The following NPTN variants were observed in gnomAD, a reference collection of about 807,000 sequenced individuals.
The protein encoded by NPTN is SDR-1.
In NPTN, 5 loss-of-function variants were observed where a neutral mutation model predicts 42.7. The ratio of observed to expected loss-of-function variants is 0.12; its 90% CI spans 0.06 to 0.25. The LOEUF is 0.25. NPTN is among the 10% of genes least tolerant of loss of function. The pLI is 1.00. For synonymous variants in NPTN, 180 were observed against 201.9 expected (o/e 0.89, Z 0.92); for missense variants, 307 against 525.4 (o/e 0.58, Z 4.06).
intron 4 of NPTN, among the ~76,000 whole-genome samples, chr15:73,584,850 C>T (rs986003047): frequency 6.6e-6 from 1 of 151,946 alleles, no homozygotes. Context: ...TACTCCTATC[C>T]TCCAAATTCC....
intron 6 of NPTN, chr15:73,567,596 A>G: frequency 1.0e-6 from 1 of 985,430 alleles, no homozygotes; most frequent in Non-Finnish European, 1.2e-6. Flanking sequence ...GGCAGAGAAG[A>G]AGGAAACTCA....
chr15:73,565,782 A>G (rs1179462406), intron 6 of NPTN: 3 of 456,372 alleles, frequency 6.6e-6, no homozygotes, highest in Middle Eastern at 3.2e-4. Flanking sequence ...GTGGAACTGT[A>G]GCACACACTG....
intron 1 of NPTN, chr15:73,632,829 C>A (rs576742488): frequency 6.1e-6 from 2 of 328,986 alleles, no homozygotes; most frequent in East Asian, 4.7e-5. Context: ...CCCACGTCGG[C>A]TTCCTCCGTG....
intron 1 of NPTN, among the ~76,000 whole-genome samples, chr15:73,619,579 A>G (rs571067946): frequency 3.2e-4 from 49 of 152,352 alleles, no homozygotes; most frequent in African/African-American, 7.2e-4. Context: ...CATTAATGTT[A>G]AAAGCTAACC....
At chr15:73,596,496 C>G (rs1322013211) in intron 2 of NPTN, among the ~76,000 whole-genome samples, 1 of 152,034 alleles carries the variant, frequency 6.6e-6, no homozygotes, top group Non-Finnish European at 1.5e-5. Flanking sequence ...GTGAAGGCAG[C>G]TACTTAGAGA....
chr15:73,610,155 T>C (rs1001604297), intron 1 of NPTN, among the ~76,000 whole-genome samples: 1 of 152,154 alleles, frequency 6.6e-6, no homozygotes, highest in Middle Eastern at 3.4e-3. Context: ...GGCATGATCA[T>C]AGCTCACTGT....
intron 1 of NPTN, among the ~76,000 whole-genome samples, chr15:73,630,317 T>C (rs1237802013): frequency 6.6e-6 from 1 of 152,260 alleles, no homozygotes; most frequent in Non-Finnish European, 1.5e-5. Context: ...CTCTTGATCA[T>C]CACATTATAC....
At chr15:73,578,185 T>C (rs1047028677) in intron 4 of NPTN, among the ~76,000 whole-genome samples, 1 of 152,052 alleles carries the variant, frequency 6.6e-6, no homozygotes, top group Non-Finnish European at 1.5e-5. Context: ...GCCACCATAA[T>C]GACTTTGGCA....
chr15:73,615,367 T>C (rs182594411), intron 1 of NPTN, among the ~76,000 whole-genome samples: 1 of 152,162 alleles, frequency 6.6e-6, no homozygotes, highest in East Asian at 1.9e-4. Flanking sequence ...ACGCAAAGTA[T>C]ATCATAATTT....
chr15:73,609,905 CTCAG>C (rs1164630898), intron 1 of NPTN, among the ~76,000 whole-genome samples: 2 of 152,114 alleles, frequency 1.3e-5, no homozygotes, highest in African/African-American at 2.4e-5. Context: ...GTCGTGAACA[CTCAG>C]TATTTTCTAT....
At chr15:73,586,630 G>T (rs911444230) in intron 4 of NPTN, among the ~76,000 whole-genome samples, 1 of 151,966 alleles carries the variant, frequency 6.6e-6, no homozygotes, top group African/African-American at 2.4e-5. Flanking sequence ...CCTATTATAC[G>T]GGCCCTTCCT....
At chr15:73,606,350 G>C (rs775233185) in intron 1 of NPTN, among the ~76,000 whole-genome samples, 1 of 152,164 alleles carries the variant, frequency 6.6e-6, no homozygotes, top group Non-Finnish European at 1.5e-5. Flanking sequence ...TGTCAAGCTA[G>C]TATTTTCAGG....
At position 73,587,435 on chromosome 15, in the gene NPTN, A is replaced by G. The variant is rs1046509308; in HGVS notation, c.706+89T>C. The G allele has an allele frequency of 4.0e-5, 36 of 891,106 alleles. No homozygotes were observed. The African/African-American group carries it at 5.0e-4, about 12-fold the overall frequency. The allele number at this position is 891,106 out of a possible 1,614,324, so 55.2% of individuals were successfully genotyped here. A position where few individuals can be genotyped will look rare whatever the true frequency, so the allele number is the denominator to read the frequency against. On this transcript the variant is annotated intron_variant, in intron 4 of 8. Transcript: ENST00000345330. ...TATATTGTGTCTCGACATGGAAAGA[A>G]GAGGAGCTTGAAGACTGGGACTCCA...
At position 73,633,230 on chromosome 15, in the gene NPTN, G is replaced by A. The variant is rs1450764004; in HGVS notation, c.-15C>T. ...GAACCCGACATCCTCCCTAGCAGAA[G>A]ACCCAACAGCGAATGGGCCGGGGCC... is the stretch of plus-strand genomic sequence containing the variant. On this transcript the variant is annotated 5_prime_UTR_variant, in exon 1 of 9. Transcript: ENST00000345330. 3 of 1,422,820 alleles carry A rather than the reference G, an allele frequency of 2.1e-6. No homozygotes were observed. The highest frequency in any genetic ancestry group is 1.3e-5 in the South Asian group (1 of 78,302). 88.1% of individuals were successfully genotyped at this position (1,422,820 alleles called of 1,614,324 possible). A position where few individuals can be genotyped will look rare whatever the true frequency, so the allele number is the denominator to read the frequency against.
chr15:73,583,795 G>A (rs1160691936), intron 4 of NPTN, among the ~76,000 whole-genome samples: 1 of 152,196 alleles, frequency 6.6e-6, no homozygotes, highest in Non-Finnish European at 1.5e-5. Context: ...TGCCTTTCCT[G>A]ACTGTCAGTG....
intron 1 of NPTN, among the ~76,000 whole-genome samples, chr15:73,608,331 T>C (rs1459695766): frequency 6.6e-6 from 1 of 152,180 alleles, no homozygotes. Context: ...AACAGGAACA[T>C]ATATAAAAAA....
At chr15:73,606,869 T>C (rs574458643) in intron 1 of NPTN, among the ~76,000 whole-genome samples, 1 of 152,312 alleles carries the variant, frequency 6.6e-6, no homozygotes, top group East Asian at 1.9e-4. Context: ...TGAACTTCCT[T>C]GTAAAATTCA....
In NPTN at chr15:73,566,914, T is replaced by C. The variant is rs751072826; in HGVS notation, c.1114+3236A>G. Reference sequence around the variant, plus strand: ...TGGGCACTGATCCTCAAAGAGACCATACAGGGGACTAAAGGAATGCAGGTG... The same window carrying C: ...TGGGCACTGATCCTCAAAGAGACCACACAGGGGACTAAAGGAATGCAGGTG... On this transcript the variant is annotated intron_variant, in intron 6 of 8. Coordinates refer to ENST00000345330, the MANE Select transcript of NPTN (RefSeq NM_012428.4). The C allele has an allele frequency of 2.8e-5, 16 of 575,252 alleles. 1 individual carries two copies. The highest frequency in any genetic ancestry group is 2.1e-4 in the African/African-American group (10 of 48,536). 35.6% of individuals were successfully genotyped at this position (575,252 alleles called of 1,614,324 possible). A position where few individuals can be genotyped will look rare whatever the true frequency, so the allele number is the denominator to read the frequency against.
chr15:73,599,256 A>G (rs535886926), intron 1 of NPTN, among the ~76,000 whole-genome samples: 1 of 152,292 alleles, frequency 6.6e-6, no homozygotes, highest in African/African-American at 2.4e-5. Context: ...CCAAGGAGCC[A>G]TGTCTCGGTC....
Sources: allele counts gnomAD v4.1 joint callset (sites outside exome capture counted in the v4.1 genomes callset), GRCh38; gene constraint gnomAD v4.1.1; transcripts MANE v1.5; gene names NCBI Gene and HGNC (gene_info 2026-07-23, HGNC 2026-07-21).